The following PRDM16 variants were observed in gnomAD, a reference collection of about 807,000 sequenced individuals.
PRDM16 encodes the protein histone-lysine N-methyltransferase PRDM16.
PRDM16 carries 23 observed loss-of-function variants against 110.6 expected under a neutral mutation model. The ratio of observed to expected loss-of-function variants is 0.21; its 90% CI spans 0.15 to 0.29. The LOEUF is 0.29. Ranked by LOEUF, PRDM16 falls within the 10% of genes least tolerant of loss-of-function variation. PRDM16 has a pLI of 1.00. For missense variants in PRDM16, 1,615 were observed against 1,794.3 expected (o/e 0.90, Z 1.81); for synonymous variants, 799 against 781.8 (o/e 1.02, Z -0.37).
chr1:3,417,750 A>G (rs1638308907), intron 10 of PRDM16, 78 bp from the exon 11 acceptor site: 1 of 1,228,882 alleles, frequency 8.1e-7, no homozygotes, highest in Non-Finnish European at 1.2e-6. Flanking sequence ...GCTGTTGTAC[A>G]GAACCCCCAG....
At position 3,386,545 on chromosome 1, in the gene PRDM16, C is replaced by T. The variant is rs566000064; in HGVS notation, c.573+1259C>T. On this transcript the variant is annotated intron_variant, in intron 4 of 16. Coordinates refer to ENST00000270722, the MANE Select transcript of PRDM16 (RefSeq NM_022114.4). ...GAATCTACGCTACTACCAGGACTTC[C>T]GTGGCCTTCAGTTAGAGCCAAAAAT... 13 of 152,100 alleles carry T rather than the reference C, an allele frequency of 8.5e-5. 1 individual carries two copies. The highest frequency in any genetic ancestry group is 6.5e-4 in the Admixed American group (10 of 15,280). 9.4% of individuals were successfully genotyped at this position (152,100 alleles called of 1,614,324 possible).
intron 12 of PRDM16, among the ~76,000 whole-genome samples, chr1:3,422,985 G>A (rs949766838): frequency 2.6e-5 from 4 of 152,202 alleles, no homozygotes; most frequent in South Asian, 2.1e-4. Flanking sequence ...GGGTCACTTC[G>A]GGGAGCTCAG....
intron 3 of PRDM16, among the ~76,000 whole-genome samples, chr1:3,288,411 T>G (rs1047432885): frequency 6.6e-6 from 1 of 152,184 alleles, no homozygotes; most frequent in Non-Finnish European, 1.5e-5. Flanking sequence ...CTGGGCTCTA[T>G]GTCCCACGGC....
intron 2 of PRDM16, among the ~76,000 whole-genome samples, chr1:3,240,057 A>AGAGGAGAGGAGGAGAGGAGAGGAGAG (rs1357921797): frequency 2.1e-4 from 1 of 4,838 alleles, no homozygotes; most frequent in African/African-American, 5.8e-4. Flanking sequence ...GGAGAGGAGA[A>AGAGGAGAGGAGGAGAGGAGAGGAGAG]GAGGAGAGGA....
At position 3,306,417 on chromosome 1, in the gene PRDM16, G is replaced by C. The variant is rs535518271; in HGVS notation, c.438+62280G>C. On this transcript the variant is annotated intron_variant, in intron 3 of 16. Coordinates refer to ENST00000270722, the MANE Select transcript of PRDM16 (RefSeq NM_022114.4). ...GAAAGGAGTGCACCCCTCTCAACAG[G>C]AAGACTTGATCGTCTGGAAGAACTC... 2.6e-5 allele frequency among the ~76,000 whole-genome samples: 4 copies of C among 152,280 alleles called. No individual in the cohort carries two copies. In the South Asian group the frequency reaches 8.3e-4, roughly 32 times the overall value.
chr1:3,421,911 G>T (rs891554720), intron 12 of PRDM16, among the ~76,000 whole-genome samples: 2 of 151,136 alleles, frequency 1.3e-5, no homozygotes, highest in Non-Finnish European at 3.0e-5. Context: ...CAGGCAAACA[G>T]ACAGGAAGAC....
intron 1 of PRDM16, among the ~76,000 whole-genome samples, chr1:3,183,986 T>A (rs901362546): frequency 6.6e-6 from 1 of 151,322 alleles, no homozygotes; most frequent in Non-Finnish European, 1.5e-5. Context: ...CAAGATGCCA[T>A]GTTAATTACC....
At position 3,412,040 on chromosome 1, in the gene PRDM16, C is replaced by G. The variant is rs762582818; in HGVS notation, c.1843C>G (p.Leu615Val). 8 of 1,612,506 alleles carry G rather than the reference C, an allele frequency of 5.0e-6. No individual in the cohort carries two copies. In the South Asian group the frequency reaches 8.8e-5, roughly 18 times the overall value. ...EDVNTTTGTD[L>V]DTTTGTGSDL... is the part of the protein sequence containing the mutation. Reference sequence around the variant, plus strand: ...CGTCAACACCACCACGGGGACCGACCTGGACACGACCACGGGGACGGGCTC... The same window carrying G: ...CGTCAACACCACCACGGGGACCGACGTGGACACGACCACGGGGACGGGCTC... The change falls in exon 9 of 17, where the codon CTG becomes GTG. Residue 615 changes from leucine to valine, a missense_variant. Physicochemically the swap from Leu to Val is conservative, Grantham distance 32 (BLOSUM62 1). Around this residue, in one of 5 missense-constraint regions of PRDM16, gnomAD observed 772 missense variants for 748.3 expected, o/e 1.03. Transcript: ENST00000270722.
At chr1:3,191,741 C>T (rs1364391516) in intron 2 of PRDM16, among the ~76,000 whole-genome samples, 5 of 152,114 alleles carry the variant, frequency 3.3e-5, no homozygotes, top group Non-Finnish European at 5.9e-5. Context: ...GATAGGATGA[C>T]GATGGAGTGG....
In PRDM16 at chr1:3,425,284, C is replaced by T. The variant is rs532110910; in HGVS notation, c.2940-297C>T. The T allele has an allele frequency of 9.9e-4, 235 of 238,542 alleles. 3 individuals are homozygous for T. The highest frequency in any genetic ancestry group is 3.4e-3 in the East Asian group (39 of 11,494). The allele number at this position is 238,542 out of a possible 1,614,324, so 14.8% of individuals were successfully genotyped here. On this transcript the variant is annotated intron_variant, in intron 12 of 16. Coordinates refer to ENST00000270722, the MANE Select transcript of PRDM16 (RefSeq NM_022114.4). This position sits in a 1 kb window ranked among gnomAD's most constrained non-coding sequence, Gnocchi z 6.9. ...TAGTAGAGACGGGGTTTCACCATGTCAGCCAGGATGGTCTCGATCTCCTGA... is the reference window on the plus strand; with the variant it reads ...TAGTAGAGACGGGGTTTCACCATGTTAGCCAGGATGGTCTCGATCTCCTGA...
intron 3 of PRDM16, among the ~76,000 whole-genome samples, chr1:3,310,257 A>T (rs1161917254): frequency 1.3e-5 from 2 of 151,924 alleles, no homozygotes; most frequent in South Asian, 2.1e-4. Flanking sequence ...TGCCCGGCAC[A>T]CTCTGGGGCC....
At chr1:3,363,991 G>T (rs534009391) in intron 3 of PRDM16, among the ~76,000 whole-genome samples, 1 of 151,880 alleles carries the variant, frequency 6.6e-6, no homozygotes, top group Non-Finnish European at 1.5e-5. Context: ...AGCCCGCTAC[G>T]CACACCTTAG....
chr1:3,428,465 C>T (rs1638681531), intron 14 of PRDM16, among the ~76,000 whole-genome samples: 1 of 152,238 alleles, frequency 6.6e-6, no homozygotes, highest in Non-Finnish European at 1.5e-5. Flanking sequence ...CACCTCAGAA[C>T]ATACGGGCAC....
At chr1:3,297,611 G>A (rs1181761741) in intron 3 of PRDM16, among the ~76,000 whole-genome samples, 3 of 152,114 alleles carry the variant, frequency 2.0e-5, no homozygotes, top group Non-Finnish European at 2.9e-5. Flanking sequence ...AGGACTGAGG[G>A]TGGCTTTATA....
intron 3 of PRDM16, among the ~76,000 whole-genome samples, chr1:3,348,833 G>A (rs967603574): frequency 3.9e-5 from 6 of 152,184 alleles, no homozygotes; most frequent in African/African-American, 4.8e-5. Context: ...AGAGCTTCCC[G>A]CATCTGCAGT....
intron 3 of PRDM16, among the ~76,000 whole-genome samples, chr1:3,269,255 A>C (rs970865873): frequency 6.6e-5 from 10 of 152,318 alleles, no homozygotes; most frequent in African/African-American, 2.2e-4. Context: ...AGAGGAACAC[A>C]ATCCCGGAGG....
intron 1 of PRDM16, among the ~76,000 whole-genome samples, chr1:3,074,110 G>C (rs938121129): frequency 2.0e-5 from 3 of 152,206 alleles, no homozygotes; most frequent in African/African-American, 7.2e-5. Flanking sequence ...TGCCCAGTCT[G>C]ATCCGCAGCC....
intron 3 of PRDM16, among the ~76,000 whole-genome samples, chr1:3,281,959 G>C (rs1225315648): frequency 6.6e-6 from 1 of 152,162 alleles, no homozygotes; most frequent in Non-Finnish European, 1.5e-5. Flanking sequence ...TGGATGTGGA[G>C]GGGTGTTCTA....
chr1:3,127,936 G>T (rs1643243861), intron 1 of PRDM16: 1 of 154,220 alleles, frequency 6.5e-6, no homozygotes, highest in Non-Finnish European at 1.5e-5. Flanking sequence ...CCATGGAGGA[G>T]GGGCTCCCGC....
Sources: gnomAD v4.1 joint callset for allele counts (sites outside exome capture counted in the v4.1 genomes callset) on GRCh38, gnomAD v4.1.1 for gene constraint, gnomAD v4.1.1 regional missense constraint, Gnocchi (gnomAD v3.1) non-coding constraint, MANE v1.5 for transcripts, NCBI Gene and HGNC (gene_info 2026-07-23, HGNC 2026-07-21) for gene names.